RGS17: variants seen among roughly 807,000 people sequenced by gnomAD.
The protein encoded by RGS17 is regulator of G-protein signaling 17.
In RGS17, 12 loss-of-function variants were observed where a neutral mutation model predicts 25.5. That is an observed-to-expected ratio of 0.47 (90% CI 0.30 to 0.76). The LOEUF (loss-of-function observed/expected upper bound fraction) is 0.76, where lower values mean the gene tolerates loss of function less well. Ranked by LOEUF, RGS17 falls within the 30% of genes least tolerant of loss-of-function variation. The pLI is 0.07. For missense variants in RGS17, 196 were observed against 242.2 expected (o/e 0.81, Z 1.27); for synonymous variants, 71 against 76.9 (o/e 0.92, Z 0.40).
intron 1 of RGS17, among the ~76,000 whole-genome samples, chr6:153,102,999 G>T (rs1439376079): frequency 2.0e-5 from 3 of 152,184 alleles, no homozygotes; most frequent in Middle Eastern, 3.2e-3. Flanking sequence ...CATTATGGTG[G>T]TATATTACAT....
Position 153,004,910 on chromosome 6 carries a change from C to T in RGS17, c.*6664G>A, listed in dbSNP as rs1414926702. The T allele has an allele frequency of 1.3e-5, 2 of 152,054 alleles. No homozygotes were observed. The highest frequency in any genetic ancestry group is 1.9e-4 in the East Asian group (1 of 5,172). The allele number at this position is 152,054 out of a possible 1,614,324, so 9.4% of individuals were successfully genotyped here. On this transcript the variant is annotated 3_prime_UTR_variant, in exon 5 of 5. Transcript: ENST00000206262. Reference sequence around the variant, plus strand: ...TCCACTGATAAATATTGGTGGAGTACAATATATGGATATAGATTAAGTGTG... The same window carrying T: ...TCCACTGATAAATATTGGTGGAGTATAATATATGGATATAGATTAAGTGTG...
intron 1 of RGS17, among the ~76,000 whole-genome samples, chr6:153,123,567 T>A (rs1777667461): frequency 6.6e-6 from 1 of 152,206 alleles, no homozygotes; most frequent in Non-Finnish European, 1.5e-5. Flanking sequence ...CCCTAGTGAT[T>A]TTAACAAGTT....
chr6:153,103,776 A>C (rs1254319998), intron 1 of RGS17, among the ~76,000 whole-genome samples: 2 of 152,260 alleles, frequency 1.3e-5, no homozygotes, highest in African/African-American at 2.4e-5. Flanking sequence ...AAGAATGGCT[A>C]TTAAACGTTT....
intron 1 of RGS17, among the ~76,000 whole-genome samples, chr6:153,111,739 G>A (rs1325390655): frequency 1.3e-5 from 2 of 152,226 alleles, no homozygotes; most frequent in African/African-American, 2.4e-5. Flanking sequence ...AGCTTCCAGA[G>A]GAAGGAACAG....
At chr6:153,083,654 C>T (rs1777012974) in intron 1 of RGS17, among the ~76,000 whole-genome samples, 2 of 152,158 alleles carry the variant, frequency 1.3e-5, no homozygotes, top group Admixed American at 6.6e-5. Context: ...TCAGTAAATA[C>T]CACTTTATGG....
intron 1 of RGS17, among the ~76,000 whole-genome samples, chr6:153,078,094 G>C (rs567498613): frequency 6.6e-6 from 1 of 152,182 alleles, no homozygotes; most frequent in Non-Finnish European, 1.5e-5. Context: ...GGCTGGTCTC[G>C]AACTCCTGAC....
intron 2 of RGS17, among the ~76,000 whole-genome samples, chr6:153,030,244 A>G (rs1779346588): frequency 6.6e-6 from 1 of 152,182 alleles, no homozygotes; most frequent in African/African-American, 2.4e-5. Context: ...GAGAAAAAAC[A>G]TTACCTGCTG....
At chr6:153,043,296 AT>A (rs1776344927) in intron 2 of RGS17, among the ~76,000 whole-genome samples, 1 of 152,138 alleles carries the variant, frequency 6.6e-6, no homozygotes, top group Admixed American at 6.5e-5. Context: ...TAATTTCAGG[AT>A]TTTTCAATGA....
intron 1 of RGS17, among the ~76,000 whole-genome samples, chr6:153,081,828 A>G (rs1776991298): frequency 1.3e-5 from 2 of 152,194 alleles, no homozygotes. Flanking sequence ...CACATTTTCC[A>G]TTTAAGACAG....
intron 1 of RGS17, among the ~76,000 whole-genome samples, chr6:153,078,743 G>A (rs1467523320): frequency 1.3e-5 from 2 of 151,756 alleles, no homozygotes; most frequent in Non-Finnish European, 2.9e-5. Context: ...AATGTCAGGC[G>A]CTTTTGGTAA....
At chr6:153,065,342 T>C (rs1434275815) in intron 1 of RGS17, among the ~76,000 whole-genome samples, 1 of 152,170 alleles carries the variant, frequency 6.6e-6, no homozygotes, top group Non-Finnish European at 1.5e-5. Context: ...CAGGCCCCAG[T>C]ACAGTAATGG....
At chr6:153,032,382 G>T (rs1776163190) in intron 2 of RGS17, among the ~76,000 whole-genome samples, 1 of 152,114 alleles carries the variant, frequency 6.6e-6, no homozygotes, top group Non-Finnish European at 1.5e-5. Flanking sequence ...GTAATCATGT[G>T]CCGTGTGTCA....
chr6:153,106,823 G>T (rs1342937930), intron 1 of RGS17, among the ~76,000 whole-genome samples: 2 of 151,628 alleles, frequency 1.3e-5, no homozygotes, highest in African/African-American at 4.8e-5. Context: ...TAGTAGAAAT[G>T]CGGTTTCACC....
chr6:153,081,982 C>T (rs1246642130), intron 1 of RGS17, among the ~76,000 whole-genome samples: 1 of 152,100 alleles, frequency 6.6e-6, no homozygotes, highest in Non-Finnish European at 1.5e-5. Context: ...ATTTAGGCTT[C>T]AATCTTGAAC....
At chr6:153,095,900 T>C (rs1200328362) in intron 1 of RGS17, among the ~76,000 whole-genome samples, 3 of 152,208 alleles carry the variant, frequency 2.0e-5, no homozygotes, top group Non-Finnish European at 4.4e-5. Context: ...TCTGTAGTGT[T>C]ATAATACACA....
At chr6:153,107,106 GT>G (rs1777395737) in intron 1 of RGS17, among the ~76,000 whole-genome samples, 1 of 151,130 alleles carries the variant, frequency 6.6e-6, no homozygotes, top group Non-Finnish European at 1.5e-5. Context: ...GCCGAAGAGG[GT>G]TAATCACCTG....
At chr6:153,053,020 T>C (rs552715753) in intron 1 of RGS17, among the ~76,000 whole-genome samples, 132 of 129,570 alleles carry the variant, frequency 1.0e-3, no homozygotes, top group African/African-American at 4.0e-3. Flanking sequence ...ACTGGCACCT[T>C]GATCTCAGAC....
chr6:153,035,797 G>A (rs1330345040), intron 2 of RGS17, among the ~76,000 whole-genome samples: 2 of 152,154 alleles, frequency 1.3e-5, no homozygotes, highest in African/African-American at 4.8e-5. Flanking sequence ...CCTGAAGGAG[G>A]AGCATATGGG....
intron 4 of RGS17, among the ~76,000 whole-genome samples, chr6:153,013,364 TC>T (rs1184635602): frequency 7.2e-5 from 11 of 152,204 alleles, no homozygotes; most frequent in African/African-American, 2.7e-4. Context: ...TACTGACTGT[TC>T]CACTGACCTG....
Sources: allele counts gnomAD v4.1 joint callset (sites outside exome capture counted in the v4.1 genomes callset), GRCh38; gene constraint gnomAD v4.1.1; transcripts MANE v1.5; gene names NCBI Gene and HGNC (gene_info 2026-07-23, HGNC 2026-07-21).